Variants in CSMD1 observed in about 807,000 individuals in gnomAD.
CSMD1 encodes the protein CUB and sushi domain-containing protein 1.
A neutral mutation model predicts 417.5 loss-of-function variants in CSMD1; 213 were observed. The observed-to-expected ratio is 0.51, with a 90% CI of 0.46 to 0.57. CSMD1 has a LOEUF of 0.57. Ranked by LOEUF, CSMD1 falls within the 20% of genes least tolerant of loss-of-function variation. The pLI, the probability that CSMD1 is intolerant of heterozygous loss-of-function variation, is 0.00. For missense variants in CSMD1, 6,923 were observed against 4,529.7 expected (o/e 1.53, Z -15.17); for synonymous variants, 2,862 against 1,736.8 (o/e 1.65, Z -16.11).
chr8:3,660,545 A>C (rs1421087923), intron 7 of CSMD1, among the ~76,000 whole-genome samples: 1 of 71,870 alleles, frequency 1.4e-5, no homozygotes, highest in African/African-American at 5.9e-5. Flanking sequence ...TTTTGAAAAA[A>C]AACAAGGCCC....
intron 3 of CSMD1, among the ~76,000 whole-genome samples, chr8:4,294,885 G>T (rs1029477868): frequency 1.3e-5 from 2 of 151,750 alleles, no homozygotes; most frequent in African/African-American, 4.8e-5. Context: ...TTTAGTAGCT[G>T]TCAATGTGTA....
chr8:3,515,224 T>C (rs1376951586), intron 10 of CSMD1: 2 of 152,238 alleles, frequency 1.3e-5, no homozygotes, highest in Non-Finnish European at 2.9e-5. Flanking sequence ...CAAGTACATT[T>C]GACATCCTAT....
At chr8:4,496,905 G>C (rs1286795488) in intron 2 of CSMD1, among the ~76,000 whole-genome samples, 6 of 152,262 alleles carry the variant, frequency 3.9e-5, no homozygotes, top group Non-Finnish European at 7.4e-5. Context: ...TTTAATGCTT[G>C]TTTTGTGAAT....
At chr8:4,169,828 C>G (rs183736652) in intron 3 of CSMD1, among the ~76,000 whole-genome samples, 1 of 152,128 alleles carries the variant, frequency 6.6e-6, no homozygotes, top group South Asian at 2.1e-4. Context: ...GTCTGCCCTT[C>G]CTGAATTATT....
intron 10 of CSMD1, among the ~76,000 whole-genome samples, chr8:3,544,136 G>C (rs184441632): frequency 6.6e-6 from 1 of 152,116 alleles, no homozygotes; most frequent in East Asian, 1.9e-4. Flanking sequence ...AGCCTGGGAC[G>C]TGCTGGGCTG....
At chr8:4,844,584 C>A (rs1801024869) in intron 1 of CSMD1, among the ~76,000 whole-genome samples, 1 of 152,148 alleles carries the variant, frequency 6.6e-6, no homozygotes, top group Non-Finnish European at 1.5e-5. Context: ...ATTAAATGGA[C>A]ACAGATTGCT....
intron 3 of CSMD1, among the ~76,000 whole-genome samples, chr8:4,252,752 G>C (rs1284641876): frequency 6.6e-6 from 1 of 152,212 alleles, no homozygotes; most frequent in Non-Finnish European, 1.5e-5. Flanking sequence ...TTTTAGATGG[G>C]ACTGCAGTGG....
chr8:3,764,913 T>C (rs1294507846), intron 5 of CSMD1, among the ~76,000 whole-genome samples: 2 of 151,748 alleles, frequency 1.3e-5, no homozygotes, highest in Admixed American at 6.6e-5. Context: ...ACCCAGCTCA[T>C]TTTCGTATTT....
chr8:4,189,844 C>T (rs1563246803), intron 3 of CSMD1, among the ~76,000 whole-genome samples: 1 of 152,042 alleles, frequency 6.6e-6, no homozygotes, highest in Non-Finnish European at 1.5e-5. Flanking sequence ...AGCTTTTTAA[C>T]ATATTAATAT....
chr8:3,956,200 A>C (rs1212858631), intron 5 of CSMD1, among the ~76,000 whole-genome samples: 1 of 152,234 alleles, frequency 6.6e-6, no homozygotes, highest in African/African-American at 2.4e-5. Flanking sequence ...AACCATAACT[A>C]AATGTAGATA....
intron 5 of CSMD1, among the ~76,000 whole-genome samples, chr8:3,943,310 C>A (rs1811008114): frequency 6.7e-6 from 1 of 148,648 alleles, no homozygotes; most frequent in Non-Finnish European, 1.5e-5. Context: ...TTGACAACTG[C>A]AGAACTAGAA....
intron 3 of CSMD1, among the ~76,000 whole-genome samples, chr8:4,419,247 A>C (rs1283575256): frequency 6.6e-6 from 1 of 152,170 alleles, no homozygotes; most frequent in African/African-American, 2.4e-5. Flanking sequence ...TTACGTGTAA[A>C]AGGCAATTTA....
At chr8:4,050,819 A>T (rs1252585857) in intron 3 of CSMD1, among the ~76,000 whole-genome samples, 2 of 152,298 alleles carry the variant, frequency 1.3e-5, no homozygotes, top group African/African-American at 4.8e-5. Flanking sequence ...TCTTTATCTC[A>T]AGTGCCAATT....
chr8:3,040,660 G>C (rs536379995), intron 50 of CSMD1, among the ~76,000 whole-genome samples: 1 of 151,764 alleles, frequency 6.6e-6, no homozygotes, highest in African/African-American at 2.4e-5. Flanking sequence ...AAAATTAGCC[G>C]GGCATGGCGG....
chr8:4,430,804 C>G (rs559005534), intron 2 of CSMD1, among the ~76,000 whole-genome samples: 1 of 152,228 alleles, frequency 6.6e-6, no homozygotes, highest in African/African-American at 2.4e-5. Flanking sequence ...ACAGTAACAG[C>G]GTTTTTCCTG....
intron 3 of CSMD1, among the ~76,000 whole-genome samples, chr8:4,268,734 TA>T (rs1193795481): frequency 6.6e-6 from 1 of 151,366 alleles, no homozygotes; most frequent in African/African-American, 2.5e-5. Context: ...TACCCCCACT[TA>T]ATTCTATTAA....
intron 10 of CSMD1, among the ~76,000 whole-genome samples, chr8:3,517,398 CCTT>C (rs1181519211): frequency 1.3e-5 from 2 of 152,052 alleles, no homozygotes; most frequent in African/African-American, 4.8e-5. Context: ...GATAAACAAT[CCTT>C]AGTATCCAAG....
intron 7 of CSMD1, among the ~76,000 whole-genome samples, chr8:3,639,823 A>G (rs1797220150): frequency 6.6e-6 from 1 of 152,226 alleles, no homozygotes; most frequent in South Asian, 2.1e-4. Flanking sequence ...ATGGACCTAA[A>G]GCAAAAATCT....
rs547678159 is a variant in CSMD1, at chr8:3,344,364, G to A, written c.3475-914C>T. On this transcript the variant is annotated intron_variant, in intron 22 of 69. Transcript: ENST00000635120. ...TGCATGCGGGGCTTAAAACCTAGAT[G>A]ATGGGTTGAAAGGTGCAGCAAATCA... Among the ~76,000 whole-genome samples, 5 of 152,316 alleles carry A rather than the reference G, an allele frequency of 3.3e-5. No individual in the cohort carries two copies. In the South Asian group the frequency reaches 6.2e-4, roughly 19 times the overall value.
Sources: gnomAD v4.1 joint callset for allele counts (sites outside exome capture counted in the v4.1 genomes callset) on GRCh38, gnomAD v4.1.1 for gene constraint, MANE v1.5 for transcripts, NCBI Gene and HGNC (gene_info 2026-07-23, HGNC 2026-07-21) for gene names.